ZSCAN5A: variants seen among roughly 807,000 people sequenced by gnomAD.
The protein encoded by ZSCAN5A is zinc finger and SCAN domain-containing protein 5A.
In ZSCAN5A, 12 loss-of-function variants were observed where a neutral mutation model predicts 23.7. The ratio of observed to expected loss-of-function variants is 0.51; its 90% confidence interval spans 0.32 to 0.82. The LOEUF is 0.82. ZSCAN5A is among the 40% of genes least tolerant of loss of function. ZSCAN5A has a pLI of 0.03. For synonymous variants in ZSCAN5A, 257 were observed against 239.9 expected, an observed-to-expected ratio of 1.07 and a Z score of -0.66; for missense variants, 597 against 617.9, an observed-to-expected ratio of 0.97 and a Z score of 0.36.
intron 2 of ZSCAN5A, among the ~76,000 whole-genome samples, chr19:56,249,515 G>A (rs570488548): frequency 5.5e-4 from 83 of 152,176 alleles, no homozygotes; most frequent in Non-Finnish European, 1.0e-3. Context: ...TGGGTGATCT[G>A]CCTGGCTCAG....
chr19:56,238,094 A>C (rs910861040), intron 2 of ZSCAN5A, among the ~76,000 whole-genome samples: 15 of 114,186 alleles, frequency 1.3e-4, no homozygotes, highest in African/African-American at 4.9e-4. Context: ...ACACCCGGAC[A>C]CACGGAAACA....
chr19:56,322,045 A>G (rs2041381451), intron 2 of ZSCAN5A: 4 of 774,380 alleles, frequency 5.2e-6, no homozygotes, highest in East Asian at 2.4e-5. Flanking sequence ...TCCTCTGGTG[A>G]CGGCATCTAG....
intron 2 of ZSCAN5A, among the ~76,000 whole-genome samples, chr19:56,292,451 G>GTTTTTACCTTTTTTTTTT (rs2039574916): frequency 2.8e-5 from 4 of 144,700 alleles, no homozygotes; most frequent in African/African-American, 1.0e-4. Context: ...TTTTTTGTCT[G>GTTTTTACCTTTTTTTTTT]TTTTTACTTT....
intron 2 of ZSCAN5A, chr19:56,284,325 T>A (rs1016998515): frequency 4.0e-6 from 1 of 247,876 alleles, no homozygotes; most frequent in Admixed American, 6.5e-5. Flanking sequence ...GGGTTTTAGA[T>A]GATAAAAATA....
intron 2 of ZSCAN5A, among the ~76,000 whole-genome samples, chr19:56,297,069 C>CAA (rs35746489): frequency 1.6e-4 from 23 of 145,408 alleles, no homozygotes; most frequent in South Asian, 2.2e-4. Context: ...AACTCTGTCT[C>CAA]AAAAAAAAAA....
In ZSCAN5A at chr19:56,226,695, G is replaced by A. The variant is rs373002395; in HGVS notation, c.-127-1522C>T. ...TGAAAGTCCAACAACTGCATGATCC[G>A]GCAATCCCGCTCCGGGGCAGGTACA... On this transcript the variant is annotated intron_variant, in intron 2 of 5. Coordinates refer to ENST00000683990, the MANE Select transcript of ZSCAN5A (RefSeq NM_001322064.3). Among the ~76,000 whole-genome samples the A allele has an allele frequency of 4.2e-3, 640 of 152,244 alleles. 3 individuals are homozygous for A. Among genetic ancestry groups the A allele is most frequent in the African/African-American group, 0.014 (591 of 41,512 alleles).
chr19:56,279,906 CTT>C (rs2038557937), intron 2 of ZSCAN5A, among the ~76,000 whole-genome samples: 1 of 151,938 alleles, frequency 6.6e-6, no homozygotes, highest in Non-Finnish European at 1.5e-5. Context: ...TTTACATAAA[CTT>C]TAATTACATT....
intron 2 of ZSCAN5A, among the ~76,000 whole-genome samples, chr19:56,308,924 G>A (rs945702661): frequency 6.6e-6 from 1 of 152,166 alleles, no homozygotes. Flanking sequence ...CAACCCATTA[G>A]GCAAGAGGTT....
At chr19:56,239,297 G>A (rs2035225036) in intron 2 of ZSCAN5A, among the ~76,000 whole-genome samples, 1 of 152,232 alleles carries the variant, frequency 6.6e-6, no homozygotes, top group African/African-American at 2.4e-5. Flanking sequence ...AATTTGAATG[G>A]ATTTGTGAAT....
chr19:56,222,440 G>A, intron 5 of ZSCAN5A, 114 bp from the exon 6 acceptor site: 1 of 1,558,028 alleles, frequency 6.4e-7, no homozygotes, highest in South Asian at 1.2e-5. Context: ...TCAAGCCTAA[G>A]ACATTGGACT....
chr19:56,225,179 G>GC lies in ZSCAN5A; in HGVS notation c.-127-7_-127-6insG. 7.3e-7 allele frequency: 1 copy of GC among 1,374,838 alleles called. No homozygotes were observed. The highest frequency in any genetic ancestry group is 2.6e-5 in the East Asian group (1 of 39,196). 85.2% of individuals were successfully genotyped at this position (1,374,838 alleles called of 1,614,324 possible). On this transcript the variant is annotated splice_polypyrimidine_tract_variant and splice_region_variant and intron_variant, in intron 2 of 5. Transcript: ENST00000683990. Reference sequence around the variant, plus strand: ...TTCACTGTTCATTCAGAAGTCTGGGGGGGAAAAGTATGAGCCTCATTAGTT... The same window carrying GC: ...TTCACTGTTCATTCAGAAGTCTGGGGCGGGAAAAGTATGAGCCTCATTAGTT...
chr19:56,226,877 T>C (rs565212391), intron 2 of ZSCAN5A, among the ~76,000 whole-genome samples: 10 of 152,028 alleles, frequency 6.6e-5, no homozygotes, highest in Non-Finnish European at 1.3e-4. Flanking sequence ...AATATACTCA[T>C]GCAACAAATC....
intron 2 of ZSCAN5A, among the ~76,000 whole-genome samples, chr19:56,310,664 G>C (rs1283106069): frequency 6.6e-6 from 1 of 152,230 alleles, no homozygotes; most frequent in Non-Finnish European, 1.5e-5. Context: ...GTATTCTTTT[G>C]TGTAAAGATT....
intron 2 of ZSCAN5A, among the ~76,000 whole-genome samples, chr19:56,267,852 G>C (rs1407075880): frequency 6.6e-6 from 1 of 152,156 alleles, no homozygotes; most frequent in Non-Finnish European, 1.5e-5. Context: ...GTCAGTGCTA[G>C]AAAAAGTATC....
At chr19:56,336,753 T>A (rs1426086992) in intron 2 of ZSCAN5A, among the ~76,000 whole-genome samples, 1 of 152,202 alleles carries the variant, frequency 6.6e-6, no homozygotes, top group Non-Finnish European at 1.5e-5. Flanking sequence ...GACGTACAGA[T>A]GGGTTTTTGG....
At chr19:56,362,587 T>C (rs1280499307) in intron 2 of ZSCAN5A, among the ~76,000 whole-genome samples, 1 of 149,874 alleles carries the variant, frequency 6.7e-6, no homozygotes, top group Non-Finnish European at 1.5e-5. Context: ...ATAAAAAAGA[T>C]GGCCGGACGC....
chr19:56,327,332 G>A (rs2041443976), intron 2 of ZSCAN5A, among the ~76,000 whole-genome samples: 1 of 151,838 alleles, frequency 6.6e-6, no homozygotes, highest in Admixed American at 6.6e-5. Flanking sequence ...TCTCAGGCTG[G>A]TCTCGAACTC....
chr19:56,346,209 G>A lies in ZSCAN5A; in HGVS notation c.-358+17026C>T, dbSNP rs935328843. 7.8e-4 allele frequency among the ~76,000 whole-genome samples: 117 copies of A among 149,162 alleles called. 1 individual carries two copies. Among genetic ancestry groups the A allele is most frequent in the African/African-American group, 2.6e-3 (106 of 40,782 alleles). The stretch of plus-strand genomic sequence containing the variant: ...TGGGGAAAAAAAGCAAAACAGCAAC[G>A]AAAACAGAAACAAACAACAACAACA... On this transcript the variant is annotated intron_variant, in intron 2 of 6. Coordinates refer to the ZSCAN5A transcript ENST00000587340.
intron 2 of ZSCAN5A, among the ~76,000 whole-genome samples, chr19:56,290,809 T>C (rs1244760651): frequency 6.6e-6 from 1 of 152,232 alleles, no homozygotes; most frequent in Non-Finnish European, 1.5e-5. Flanking sequence ...CCACACTGAC[T>C]CCCCGAATGC....
Sources: allele counts gnomAD v4.1 joint callset (sites outside exome capture counted in the v4.1 genomes callset), GRCh38; gene constraint gnomAD v4.1.1; transcripts MANE v1.5; gene names NCBI Gene and HGNC (gene_info 2026-07-23, HGNC 2026-07-21).